GNG7: variants seen among roughly 807,000 people sequenced by gnomAD.
The protein encoded by GNG7 is G protein subunit gamma 7.
Under a neutral mutation model 4.0 loss-of-function variants are expected in GNG7, and 1 was observed. The ratio of observed to expected loss-of-function variants is 0.25; its 90% confidence interval spans 0.09 to 1.18. The LOEUF (loss-of-function observed/expected upper bound fraction) is 1.18. Ranked by LOEUF, GNG7 falls within the 50% of genes most tolerant of loss-of-function variation. The probability of loss-of-function intolerance (pLI) is 0.50; values close to 1 mark genes in which losing one functional copy is unlikely to be tolerated. For missense variants in GNG7, 86 were observed against 91.9 expected (o/e 0.94, Z 0.26); for synonymous variants, 34 against 36.9 (o/e 0.92, Z 0.29).
chr19:2,697,002 G>C (rs142427816), intron 1 of GNG7, among the ~76,000 whole-genome samples: 1 of 152,036 alleles, frequency 6.6e-6, no homozygotes, highest in Admixed American at 6.6e-5. Flanking sequence ...ACAGGCGCCC[G>C]GCTAATTTTT....
chr19:2,525,868 G>GGC (rs1012711331), intron 3 of GNG7, among the ~76,000 whole-genome samples: 73 of 152,014 alleles, frequency 4.8e-4, no homozygotes, highest in African/African-American at 1.7e-3. Flanking sequence ...GAAGTGCGGT[G>GGC]GCGCGATCTC....
chr19:2,684,069 G>A (rs962051673), intron 1 of GNG7, among the ~76,000 whole-genome samples: 2 of 151,494 alleles, frequency 1.3e-5, no homozygotes, highest in Non-Finnish European at 1.5e-5. Flanking sequence ...GCCTGTAATC[G>A]CAGCACTTGG....
chr19:2,615,957 T>G (rs1286554244), intron 2 of GNG7, among the ~76,000 whole-genome samples: 1 of 152,172 alleles, frequency 6.6e-6, no homozygotes, highest in Non-Finnish European at 1.5e-5. Context: ...CTTCAAATCC[T>G]TACGGGCCAC....
chr19:2,520,636 C>CGTA lies in GNG7; in HGVS notation c.50_52dup (p.Leu17dup), dbSNP rs779717170. The stretch of plus-strand genomic sequence containing the variant: ...GATGCGCTCAATCCCGGCTTCTATG[C>CGTA]GTAGCTGTTCCACCAGCTTCCGGGC... On this transcript the variant is annotated inframe_insertion, in exon 4 of 5. Transcript: ENST00000382159. 1 of 1,550,988 alleles carries CGTA rather than the reference C, an allele frequency of 6.4e-7. No individual in the cohort carries two copies. The highest frequency in any genetic ancestry group is 8.7e-7 in the Non-Finnish European group (1 of 1,143,950).
chr19:2,605,354 A>G (rs913966211), intron 2 of GNG7, among the ~76,000 whole-genome samples: 3 of 151,778 alleles, frequency 2.0e-5, no homozygotes, highest in Non-Finnish European at 4.4e-5. Context: ...ACCTGCCACC[A>G]TGCCCAGCTA....
intron 3 of GNG7, among the ~76,000 whole-genome samples, chr19:2,550,588 C>T (rs1979286081): frequency 6.6e-6 from 1 of 152,122 alleles, no homozygotes; most frequent in South Asian, 2.1e-4. Context: ...GGAGAGTGAC[C>T]ATGGCCCTGC....
chr19:2,548,899 G>T (rs1044694375), intron 3 of GNG7, among the ~76,000 whole-genome samples: 1 of 152,222 alleles, frequency 6.6e-6, no homozygotes, highest in Admixed American at 6.5e-5. Context: ...TCGAAGGGAT[G>T]TTCCAGCCAG....
intron 2 of GNG7, among the ~76,000 whole-genome samples, chr19:2,568,143 A>C (rs1257386830): frequency 6.6e-6 from 1 of 150,690 alleles, no homozygotes; most frequent in African/African-American, 2.5e-5. Context: ...ACACATATAC[A>C]CATGCACACA....
chr19:2,692,656 CA>C (rs953662517), intron 1 of GNG7, among the ~76,000 whole-genome samples: 4 of 149,342 alleles, frequency 2.7e-5, no homozygotes, highest in Admixed American at 6.7e-5. Context: ...AAAAGAAGGC[CA>C]GGGGCAGCAG....
chr19:2,631,238 A>C (rs2144842415), intron 2 of GNG7, among the ~76,000 whole-genome samples: 1 of 152,324 alleles, frequency 6.6e-6, no homozygotes, highest in South Asian at 2.1e-4. Flanking sequence ...GAGATGGCCC[A>C]GGGTCACAGA....
chr19:2,629,099 G>A (rs1005157642), intron 2 of GNG7, among the ~76,000 whole-genome samples: 4 of 152,182 alleles, frequency 2.6e-5, no homozygotes, highest in Non-Finnish European at 4.4e-5. Flanking sequence ...GGCCCCCAAG[G>A]AGCACGTACT....
chr19:2,657,179 C>CA (rs1982996898), intron 1 of GNG7, among the ~76,000 whole-genome samples: 2 of 147,692 alleles, frequency 1.4e-5, no homozygotes. Flanking sequence ...ACTAAAAATA[C>CA]AAAAATTAGT....
rs931856377 is a variant in GNG7, at chr19:2,557,546, C to T, written c.-77-2358G>A. Among the ~76,000 whole-genome samples the T allele has an allele frequency of 2.0e-5, 3 of 152,172 alleles. No homozygotes were observed. Among genetic ancestry groups the T allele is most frequent in the Non-Finnish European group, 4.4e-5 (3 of 68,036 alleles). On this transcript the variant is annotated intron_variant, in intron 2 of 4. Coordinates refer to ENST00000382159, the MANE Select transcript of GNG7 (RefSeq NM_052847.3). This position sits in a 1 kb window ranked among gnomAD's most constrained non-coding sequence, Gnocchi z 5.1. The stretch of plus-strand genomic sequence containing the variant: ...CAGAGGCTCCGCCTGGCCGGGTCAG[C>T]GAATGGAGTTGTAGCACCGTTTCAG...
At chr19:2,553,672 G>A (rs797007879) in intron 3 of GNG7, among the ~76,000 whole-genome samples, 3 of 93,778 alleles carry the variant, frequency 3.2e-5, no homozygotes, top group Admixed American at 1.0e-4. Context: ...CACGTTACAT[G>A]TAATATGTTA....
chr19:2,636,628 G>A (rs760808922), intron 2 of GNG7, among the ~76,000 whole-genome samples: 2 of 152,142 alleles, frequency 1.3e-5, no homozygotes, highest in Non-Finnish European at 2.9e-5. Flanking sequence ...AGCAGAGCCA[G>A]TGCCTCCCGC....
In GNG7 at chr19:2,511,242, T is replaced by C. The variant is rs1175090423; in HGVS notation, c.*3780A>G. 6.6e-6 allele frequency: 1 copy of C among 152,238 alleles called. No homozygotes were observed. The highest frequency in any genetic ancestry group is 1.5e-5 in the Non-Finnish European group (1 of 68,054). 9.4% of individuals were successfully genotyped at this position (152,238 alleles called of 1,614,324 possible). ...AGAAAAGGGAGAGTGAGGCTTTTTA[T>C]TGTGTATGAATTCACGTGGTATCGA... On this transcript the variant is annotated 3_prime_UTR_variant, in exon 5 of 5. Transcript: ENST00000382159. The surrounding 1 kb of genome is among the most constrained non-coding windows in gnomAD (Gnocchi z 6.3).
In GNG7 at chr19:2,633,694, G is replaced by A. The variant is rs544369041; in HGVS notation, c.-78+12530C>T. 5.3e-5 allele frequency among the ~76,000 whole-genome samples: 8 copies of A among 152,086 alleles called. No individual in the cohort carries two copies. The highest frequency in any genetic ancestry group is 1.0e-4 in the Non-Finnish European group (7 of 67,950). On this transcript the variant is annotated intron_variant, in intron 2 of 4. Coordinates refer to ENST00000382159, the MANE Select transcript of GNG7 (RefSeq NM_052847.3). This position sits in a 1 kb window ranked among gnomAD's most constrained non-coding sequence, Gnocchi z 5.9. ...AGAGGACATCGGTGGGCTTGAAAAC[G>A]GGTGTCTGTTTACCGGGGCTTGAGT...
intron 3 of GNG7, among the ~76,000 whole-genome samples, chr19:2,525,992 A>G (rs1344037864): frequency 2.3e-3 from 18 of 7,670 alleles, no homozygotes; most frequent in Non-Finnish European, 2.2e-3. Flanking sequence ...TTTTTTTGAG[A>G]CAGAGTCTGG....
intron 2 of GNG7, among the ~76,000 whole-genome samples, chr19:2,602,901 C>CTTTCTTTCTTTCTTTCT (rs1555697043): frequency 3.6e-4 from 54 of 148,948 alleles, no homozygotes; most frequent in Admixed American, 1.8e-3. Flanking sequence ...TTCTCTTTTT[C>CTTTCTTTCTTTCTTTCT]TTTCTTTCTT....
Sources: allele counts gnomAD v4.1 joint callset (sites outside exome capture counted in the v4.1 genomes callset), GRCh38; gene constraint gnomAD v4.1.1; non-coding constraint Gnocchi (gnomAD v3.1); transcripts MANE v1.5; gene names NCBI Gene and HGNC (gene_info 2026-07-23, HGNC 2026-07-21).